IVNS1ABP: variants seen among roughly 807,000 people sequenced by gnomAD.
IVNS1ABP encodes influenza virus NS1A-binding protein.
Under a neutral mutation model 78.9 loss-of-function variants are expected in IVNS1ABP, and 25 were observed. That is an observed-to-expected ratio of 0.32 (90% CI 0.23 to 0.44). IVNS1ABP has a LOEUF of 0.44. IVNS1ABP is among the 20% of genes least tolerant of loss of function. IVNS1ABP has a pLI of 1.00. For missense variants in IVNS1ABP, 494 were observed against 768.9 expected (o/e 0.64, Z 4.23); for synonymous variants, 241 against 259.7 (o/e 0.93, Z 0.69).
intron 1 of IVNS1ABP, among the ~76,000 whole-genome samples, chr1:185,314,695 G>A (rs75644288): frequency 3.9e-5 from 6 of 152,182 alleles, no homozygotes; most frequent in Admixed American, 3.9e-4. Flanking sequence ...TTAAGATTCT[G>A]TACACCCATG....
intron 14 of IVNS1ABP, chr1:185,299,030 A>T (rs965818556): frequency 3.3e-5 from 5 of 152,360 alleles, no homozygotes; most frequent in African/African-American, 1.2e-4. Flanking sequence ...TCTCAAATTC[A>T]TTATTTTTTC....
Position 185,309,485 on chromosome 1 carries a change from G to A in IVNS1ABP, c.9C>T (p.Pro3=), listed in dbSNP as rs557336765. The A allele has an allele frequency of 1.1e-5, 17 of 1,590,388 alleles. No homozygotes were observed. The African/African-American group carries it at 1.6e-4, about 15-fold the overall frequency. The change falls in exon 3 of 15, where the codon CCC becomes CCT. Residue 3 remains proline, a synonymous_variant. Coordinates refer to ENST00000367498, the MANE Select transcript of IVNS1ABP (RefSeq NM_006469.5). MI[P]NGYLMFEDEN... ...CATCCTCAAACATCAAATATCCATT[G>A]GGAATCATTTTTCCTTATAAATTTG...
At position 185,307,521 on chromosome 1, in the gene IVNS1ABP, C is replaced by T. The variant is rs759722477; in HGVS notation, c.499G>A (p.Glu167Lys). The change falls in exon 6 of 15, where the codon GAG (glutamate) becomes AAG (lysine). Residue 167 changes from glutamate (E) to lysine (K), a missense_variant. Coordinates refer to ENST00000367498, the MANE Select transcript of IVNS1ABP (RefSeq NM_006469.5). ...CTTGGAAGCTTAAGAAACTCCTCCT[C>T]TTCAGAAATTTGTAACAAATGCTCC... is the stretch of plus-strand genomic sequence containing the variant. ...IQEHLLQISE[E>K]EEFLKLPRLK... The T allele has an allele frequency of 1.9e-6, 3 of 1,613,250 alleles. No homozygotes were observed. Among genetic ancestry groups the T allele is most frequent in the Non-Finnish European group, 2.5e-6 (3 of 1,179,586 alleles).
intron 6 of IVNS1ABP, among the ~76,000 whole-genome samples, 158 bp from the exon 7 acceptor site, chr1:185,307,297 G>GT (rs1461890588): frequency 1.2e-4 from 19 of 152,252 alleles, no homozygotes; most frequent in African/African-American, 4.6e-4. Flanking sequence ...CCAGGAATTT[G>GT]TAAGGAATTT....
chr1:185,308,950 G>T, intron 4 of IVNS1ABP, 53 bp downstream of exon 4: 1 of 1,577,704 alleles, frequency 6.3e-7, no homozygotes, highest in Non-Finnish European at 8.7e-7. Context: ...AGCAAGACTT[G>T]GAATTTTCTG....
At chr1:185,308,703 G>A in intron 5 of IVNS1ABP, 97 bp downstream of exon 5, 1 of 877,244 alleles carries the variant, frequency 1.1e-6, no homozygotes, top group South Asian at 1.5e-5. Context: ...ACATGTTCAA[G>A]TCCTTGAAAC....
chr1:185,299,473 TCAC>T (rs1387718069), intron 14 of IVNS1ABP: 19 of 519,340 alleles, frequency 3.7e-5, no homozygotes, highest in Admixed American at 1.3e-4. Flanking sequence ...ACTTGGAAAT[TCAC>T]TCAGTGCACC....
chr1:185,301,395 G>C (rs1173351969), intron 9 of IVNS1ABP, 39 bp downstream of exon 9: 1 of 1,607,604 alleles, frequency 6.2e-7, no homozygotes, highest in Non-Finnish European at 8.5e-7. Context: ...CTTAAAAATA[G>C]GTAAGCTGAA....
At chr1:185,308,416 A>T (rs1443156310) in intron 5 of IVNS1ABP, among the ~76,000 whole-genome samples, 2 of 152,220 alleles carry the variant, frequency 1.3e-5, no homozygotes, top group Non-Finnish European at 2.9e-5. Flanking sequence ...TTCCAAAAGT[A>T]CTTTTTACTG....
intron 8 of IVNS1ABP, among the ~76,000 whole-genome samples, chr1:185,302,826 A>C (rs974994141): frequency 6.6e-6 from 1 of 152,082 alleles, no homozygotes; most frequent in African/African-American, 2.4e-5. Flanking sequence ...AAAATATTGA[A>C]ACTCAAGAAG....
Position 185,307,255 on chromosome 1 carries a change from TAATTTGTAAGGAACCAGG to T in IVNS1ABP, c.532-134_532-117del, listed in dbSNP as rs548446707. ...CACAATTCATTCCATACATTTACTCTAATTTGTAAGGAACCAGGAATTTGTAAGGAACCAGGAATTTGT... is the reference window on the plus strand; with the variant it reads ...CACAATTCATTCCATACATTTACTCTAATTTGTAAGGAACCAGGAATTTGT... On this transcript the variant is annotated intron_variant, in intron 6 of 14. Coordinates refer to ENST00000367498, the MANE Select transcript of IVNS1ABP (RefSeq NM_006469.5). 3.6e-4 allele frequency: 461 copies of T among 1,295,988 alleles called. 2 individuals carry two copies. The highest frequency in any genetic ancestry group is 2.1e-3 in the East Asian group (87 of 41,640). The allele number at this position is 1,295,988 out of a possible 1,614,324, so 80.3% of individuals were successfully genotyped here. A position where few individuals can be genotyped will look rare whatever the true frequency, so the allele number is the denominator to read the frequency against.
In IVNS1ABP at chr1:185,297,219, A is replaced by G. The variant is rs997322374; in HGVS notation, c.*816T>C. The G allele has an allele frequency of 2.6e-5, 4 of 152,194 alleles. No individual in the cohort carries two copies. Among genetic ancestry groups the G allele is most frequent in the African/African-American group, 9.6e-5 (4 of 41,458 alleles). 9.4% of individuals were successfully genotyped at this position (152,194 alleles called of 1,614,324 possible). A position where few individuals can be genotyped will look rare whatever the true frequency, so the allele number is the denominator to read the frequency against. On this transcript the variant is annotated 3_prime_UTR_variant, in exon 15 of 15. Transcript: ENST00000367498. ...TTTTACTGCTATATAATGTCTTGCT[A>G]TATAAAACATACCCTCAACAAGTCA...
chr1:185,300,930 G>T, intron 10 of IVNS1ABP, 42 bp downstream of exon 10: 1 of 1,473,318 alleles, frequency 6.8e-7, no homozygotes. Flanking sequence ...TCACAAAAAT[G>T]CCCATCTACA....
At chr1:185,301,657 C>T in intron 8 of IVNS1ABP, 94 bp from the exon 9 acceptor site, 1 of 1,377,594 alleles carries the variant, frequency 7.3e-7, no homozygotes, top group Non-Finnish European at 1.0e-6. Context: ...GAGTATCCTT[C>T]ACCTATATAT....
chr1:185,308,920 C>CTTAATTT (rs774845468), intron 4 of IVNS1ABP, 45 bp from the exon 5 acceptor site: 1 of 1,575,516 alleles, frequency 6.3e-7, no homozygotes, highest in Non-Finnish European at 8.7e-7. Flanking sequence ...CCTTAAAACA[C>CTTAATTT]ACTTAATTTA....
At chr1:185,304,671 A>T in intron 8 of IVNS1ABP, among the ~76,000 whole-genome samples, 1 of 152,168 alleles carries the variant, frequency 6.6e-6, no homozygotes, top group African/African-American at 2.4e-5. Context: ...AAGCATAGCC[A>T]AACTAATTTA....
chr1:185,304,840 C>T (rs947661891), intron 8 of IVNS1ABP, among the ~76,000 whole-genome samples: 1 of 152,014 alleles, frequency 6.6e-6, no homozygotes, highest in South Asian at 2.1e-4. Context: ...GACTTGTGTA[C>T]TTTTCTGTAT....
chr1:185,308,994 T>G lies in IVNS1ABP; in HGVS notation c.281+9A>C. The G allele has an allele frequency of 6.2e-7, 1 of 1,600,986 alleles. No homozygotes were observed. The highest frequency in any genetic ancestry group is 8.5e-7 in the Non-Finnish European group (1 of 1,173,656). Reference sequence around the variant, plus strand: ...CCCTAATTATATGGTTTACTTCAAATGTACTTACTGAGCAGTGTAGGCATA... The same window carrying G: ...CCCTAATTATATGGTTTACTTCAAAGGTACTTACTGAGCAGTGTAGGCATA... On this transcript the variant is annotated intron_variant, in intron 4 of 14. Coordinates refer to ENST00000367498, the MANE Select transcript of IVNS1ABP (RefSeq NM_006469.5).
At chr1:185,312,695 T>A (rs1665919464) in intron 1 of IVNS1ABP, among the ~76,000 whole-genome samples, 1 of 152,166 alleles carries the variant, frequency 6.6e-6, no homozygotes, top group African/African-American at 2.4e-5. Context: ...GCTCTACCTT[T>A]TATCTAGGTT....
Sources: gnomAD v4.1 joint callset for allele counts (sites outside exome capture counted in the v4.1 genomes callset) on GRCh38, gnomAD v4.1.1 for gene constraint, MANE v1.5 for transcripts, NCBI Gene and HGNC (gene_info 2026-07-23, HGNC 2026-07-21) for gene names.